ZCCHC14: variants seen among roughly 807,000 people sequenced by gnomAD.
ZCCHC14 encodes zinc finger CCHC domain-containing protein 14.
In ZCCHC14, 16 loss-of-function variants were observed where a neutral mutation model predicts 85.0. The observed-to-expected ratio is 0.19, with a 90% CI of 0.13 to 0.29. The LOEUF (loss-of-function observed/expected upper bound fraction) is 0.29, where lower values mean the gene tolerates loss of function less well. ZCCHC14 is among the 10% of genes least tolerant of loss of function. The pLI is 1.00. For synonymous variants in ZCCHC14, 775 were observed against 630.7 expected (o/e 1.23, Z -3.43); for missense variants, 1,303 against 1,443.5 (o/e 0.90, Z 1.58).
intron 2 of ZCCHC14, 38 bp downstream of exon 2, chr16:87,459,970 C>T (rs762866778): frequency 6.2e-7 from 1 of 1,613,432 alleles, no homozygotes; most frequent in East Asian, 2.2e-5. Context: ...CATCCTCCGT[C>T]CGTCAGACGT....
At chr16:87,435,824 CAAAA>C (rs2150740285) in intron 2 of ZCCHC14, among the ~76,000 whole-genome samples, 1 of 152,352 alleles carries the variant, frequency 6.6e-6, no homozygotes, top group South Asian at 2.1e-4. Flanking sequence ...TCCTTTCTGG[CAAAA>C]CAAAGAGCAC....
rs1912855921 is a variant in ZCCHC14, at chr16:87,493,015, C to A, written c.-777G>T. On this transcript the variant is annotated 5_prime_UTR_variant, in exon 1 of 13. Coordinates refer to ENST00000671377, the MANE Select transcript of ZCCHC14 (RefSeq NM_015144.3). ...CTCGCGGCTGACGGGCGGCCGGGAT[C>A]AGCAGAAGTGGGCGGGGTGGCCGCC... Among the ~76,000 whole-genome samples the A allele has an allele frequency of 6.6e-6, 1 of 151,918 alleles. No homozygotes were observed. Among genetic ancestry groups the A allele is most frequent in the Non-Finnish European group, 1.5e-5 (1 of 67,936 alleles).
intron 1 of ZCCHC14, chr16:87,467,541 A>G: frequency 6.3e-7 from 1 of 1,594,452 alleles, no homozygotes; most frequent in Non-Finnish European, 8.6e-7. Flanking sequence ...TCAGAAGCCT[A>G]TTTTTAATGT....
intron 2 of ZCCHC14, among the ~76,000 whole-genome samples, chr16:87,457,079 G>T (rs575637373): frequency 1.3e-5 from 2 of 152,314 alleles, no homozygotes; most frequent in Non-Finnish European, 1.5e-5. Context: ...GTGCACCGCA[G>T]TTCTCAGCCA....
chr16:87,422,135 A>G (rs947089415), intron 4 of ZCCHC14, among the ~76,000 whole-genome samples: 1 of 152,190 alleles, frequency 6.6e-6, no homozygotes. Flanking sequence ...GAGAGATGGA[A>G]ACTTCATGAA....
chr16:87,478,727 C>T, intron 1 of ZCCHC14, among the ~76,000 whole-genome samples: 1 of 152,130 alleles, frequency 6.6e-6, no homozygotes, highest in East Asian at 1.9e-4. Context: ...CTGCCTCAGC[C>T]TCCCGAGTAG....
chr16:87,444,666 T>C (rs1432636044), intron 2 of ZCCHC14, among the ~76,000 whole-genome samples: 2 of 152,106 alleles, frequency 1.3e-5, no homozygotes, highest in Non-Finnish European at 2.9e-5. Flanking sequence ...TCAGGAGAAG[T>C]ATCAAACAAA....
At chr16:87,467,367 AT>A (rs760311182) in intron 1 of ZCCHC14, 3 of 1,598,274 alleles carry the variant, frequency 1.9e-6, no homozygotes, top group Non-Finnish European at 2.6e-6. Flanking sequence ...CCCTGGGGTA[AT>A]TAAGCAAGAG....
At chr16:87,485,797 G>T (rs1018816274) in intron 1 of ZCCHC14, among the ~76,000 whole-genome samples, 2 of 152,210 alleles carry the variant, frequency 1.3e-5, no homozygotes, top group African/African-American at 4.8e-5. Context: ...GACTCATGTA[G>T]ATTTGTTGGA....
chr16:87,427,332 G>T (rs1227077516), intron 3 of ZCCHC14, among the ~76,000 whole-genome samples: 2 of 152,234 alleles, frequency 1.3e-5, no homozygotes, highest in African/African-American at 4.8e-5. Flanking sequence ...ACTCAGGGAA[G>T]CCTCACTTGC....
In ZCCHC14 at chr16:87,425,506, G is replaced by C. The variant is rs532139277; in HGVS notation, c.769-1625C>G. ...TGGGAGAACTGCTTGAACCCGGGAGGGGGAGGCTGCAGTGAGCCGAGATCG... is the reference window on the plus strand; with the variant it reads ...TGGGAGAACTGCTTGAACCCGGGAGCGGGAGGCTGCAGTGAGCCGAGATCG... On this transcript the variant is annotated intron_variant, in intron 3 of 12. Coordinates refer to ENST00000671377, the MANE Select transcript of ZCCHC14 (RefSeq NM_015144.3). Among the ~76,000 whole-genome samples the C allele has an allele frequency of 2.6e-5, 4 of 152,174 alleles. No homozygotes were observed. In the South Asian group the frequency reaches 8.3e-4, roughly 32 times the overall value.
intron 3 of ZCCHC14, among the ~76,000 whole-genome samples, chr16:87,431,439 C>A (rs908158064): frequency 6.8e-6 from 1 of 147,480 alleles, no homozygotes; most frequent in African/African-American, 2.5e-5. Flanking sequence ...CGTCACTGCA[C>A]TCCAGCCTGG....
chr16:87,433,772 G>A (rs1384475588), intron 2 of ZCCHC14, among the ~76,000 whole-genome samples: 1 of 152,040 alleles, frequency 6.6e-6, no homozygotes, highest in African/African-American at 2.4e-5. Flanking sequence ...CTCCCCAGTA[G>A]CTGGGATTAC....
chr16:87,441,752 T>C (rs865930923), intron 2 of ZCCHC14, among the ~76,000 whole-genome samples: 20 of 152,246 alleles, frequency 1.3e-4, no homozygotes, highest in Non-Finnish European at 2.2e-4. Flanking sequence ...TCTTATAAAG[T>C]TGTTACAGCT....
chr16:87,450,165 G>A (rs747090386), intron 2 of ZCCHC14, among the ~76,000 whole-genome samples: 10 of 152,172 alleles, frequency 6.6e-5, no homozygotes, highest in Non-Finnish European at 1.0e-4. Flanking sequence ...CGATCACACC[G>A]TAGATACTTC....
At chr16:87,475,552 T>TA (rs35771945) in intron 1 of ZCCHC14, among the ~76,000 whole-genome samples, 2,084 of 91,214 alleles carry the variant, frequency 0.023, 45 homozygotes, top group African/African-American at 0.052. Flanking sequence ...GACTCTGTCT[T>TA]AAAAAAAAAA....
chr16:87,477,540 TG>T (rs1247624923), intron 1 of ZCCHC14, among the ~76,000 whole-genome samples: 2 of 152,234 alleles, frequency 1.3e-5, no homozygotes, highest in African/African-American at 4.8e-5. Context: ...CTTTAAATGA[TG>T]AAGTCAACAC....
At chr16:87,490,374 G>A (rs780194156) in intron 1 of ZCCHC14, among the ~76,000 whole-genome samples, 1 of 152,232 alleles carries the variant, frequency 6.6e-6, no homozygotes, top group Non-Finnish European at 1.5e-5. Flanking sequence ...ACTTGGTCCC[G>A]ACTGCAACCT....
At chr16:87,478,632 G>T (rs56687980) in intron 1 of ZCCHC14, among the ~76,000 whole-genome samples, 62 of 149,044 alleles carry the variant, frequency 4.2e-4, no homozygotes, top group Non-Finnish European at 5.3e-4. Flanking sequence ...TTTTTGAGAC[G>T]GAGTCTCACT....
Sources: allele counts gnomAD v4.1 joint callset (sites outside exome capture counted in the v4.1 genomes callset), GRCh38; gene constraint gnomAD v4.1.1; transcripts MANE v1.5; gene names NCBI Gene and HGNC (gene_info 2026-07-23, HGNC 2026-07-21).